Variants in ROBO2 observed in about 807,000 individuals in gnomAD.
ROBO2 encodes the protein roundabout guidance receptor 2, also known as roundabout homolog 2.
Under a neutral mutation model 160.8 loss-of-function variants are expected in ROBO2, and 53 were observed. That is an observed-to-expected ratio of 0.33 (90% confidence interval 0.26 to 0.41). The LOEUF (loss-of-function observed/expected upper bound fraction) is 0.41. ROBO2 is among the 10% of genes least tolerant of loss of function. ROBO2 has a pLI of 1.00. For missense variants in ROBO2, 1,577 were observed against 1,722.4 expected, an observed-to-expected ratio of 0.92 and a Z score of 1.49; for synonymous variants, 664 against 611.7, an observed-to-expected ratio of 1.09 and a Z score of -1.26.
chr3:77,140,546 C>A (rs1318738639), intron 2 of ROBO2, among the ~76,000 whole-genome samples: 2 of 152,138 alleles, frequency 1.3e-5, no homozygotes, highest in South Asian at 4.1e-4. Context: ...ATGGTGGTAA[C>A]TGGGTGCTAA....
chr3:76,377,968 T>G (rs1393899471), intron 2 of ROBO2, among the ~76,000 whole-genome samples: 1 of 152,162 alleles, frequency 6.6e-6, no homozygotes, highest in African/African-American at 2.4e-5. Context: ...CGTGTGTGAC[T>G]GAGTAGTTGA....
intron 2 of ROBO2, among the ~76,000 whole-genome samples, chr3:77,175,755 C>T (rs2080094879): frequency 6.6e-6 from 1 of 151,904 alleles, no homozygotes; most frequent in Admixed American, 6.6e-5. Context: ...TAAATCATAA[C>T]TTAGAAGATA....
At chr3:76,678,410 A>G (rs1056278885) in intron 2 of ROBO2, among the ~76,000 whole-genome samples, 1 of 152,120 alleles carries the variant, frequency 6.6e-6, no homozygotes, top group African/African-American at 2.4e-5. Context: ...GCGCTGGTCC[A>G]AGGTAAACTA....
chr3:76,195,465 T>C (rs1702217645), intron 2 of ROBO2, among the ~76,000 whole-genome samples: 1 of 152,224 alleles, frequency 6.6e-6, no homozygotes, highest in Middle Eastern at 3.2e-3. Flanking sequence ...TGGGATATTG[T>C]CAATTTCATA....
intron 2 of ROBO2, among the ~76,000 whole-genome samples, chr3:77,379,310 T>A (rs1262681960): frequency 1.3e-5 from 2 of 152,216 alleles, no homozygotes; most frequent in African/African-American, 4.8e-5. Context: ...CTTTTGTTAA[T>A]CTGCAATACC....
Position 76,523,131 on chromosome 3 carries a change from G to A in ROBO2, c.110-574883G>A, listed in dbSNP as rs76037320. ...CTAAAGAGGGCCAGCTCCAAATACC[G>A]TAAATTTGTTTAGTCTTTACAGAAG... On this transcript the variant is annotated intron_variant, in intron 2 of 26. Transcript: ENST00000487694. 5.2e-3 allele frequency among the ~76,000 whole-genome samples: 789 copies of A among 151,406 alleles called. 7 individuals are homozygous for A. The highest frequency in any genetic ancestry group is 0.018 in the African/African-American group (752 of 41,372).
At chr3:77,396,466 T>G (rs2075293727) in intron 2 of ROBO2, among the ~76,000 whole-genome samples, 1 of 152,156 alleles carries the variant, frequency 6.6e-6, no homozygotes, top group Non-Finnish European at 1.5e-5. Context: ...TATTGTGAAC[T>G]TAAGCTGTCG....
chr3:77,287,305 A>AT (rs199578901), intron 2 of ROBO2, among the ~76,000 whole-genome samples: 105 of 76,156 alleles, frequency 1.4e-3, no homozygotes, highest in African/African-American at 2.9e-3. Context: ...ATTGATAGTT[A>AT]TTTTTTTTTA....
chr3:76,431,342 T>C (rs532446809), intron 2 of ROBO2, among the ~76,000 whole-genome samples: 5 of 152,268 alleles, frequency 3.3e-5, no homozygotes, highest in African/African-American at 1.2e-4. Flanking sequence ...AAGAATTCTA[T>C]AGTGACTAAA....
intron 2 of ROBO2, among the ~76,000 whole-genome samples, chr3:76,505,366 A>AT (rs1204716218): frequency 1.1e-5 from 1 of 91,288 alleles, no homozygotes; most frequent in South Asian, 3.4e-4. Context: ...ATAGTTCAGC[A>AT]TTTAAAAAAA....
At chr3:77,442,128 C>T (rs906077975) in intron 2 of ROBO2, among the ~76,000 whole-genome samples, 1 of 151,940 alleles carries the variant, frequency 6.6e-6, no homozygotes, top group African/African-American at 2.4e-5. Context: ...CTGGCTAACA[C>T]GGTGAAGCCC....
chr3:77,191,851 T>G (rs2081885354), intron 2 of ROBO2, among the ~76,000 whole-genome samples: 2 of 152,156 alleles, frequency 1.3e-5, no homozygotes, highest in Admixed American at 1.3e-4. Context: ...TTATTGCATA[T>G]CTATAAATTT....
At chr3:76,303,519 C>T (rs1457469776) in intron 2 of ROBO2, among the ~76,000 whole-genome samples, 2 of 152,070 alleles carry the variant, frequency 1.3e-5, no homozygotes, top group African/African-American at 4.8e-5. Context: ...GTCCTACACA[C>T]AACTTGTTGA....
chr3:77,554,267 A>T (rs1441603452), intron 8 of ROBO2, among the ~76,000 whole-genome samples: 3 of 152,052 alleles, frequency 2.0e-5, no homozygotes, highest in South Asian at 2.1e-4. Flanking sequence ...TGCAGAAAAA[A>T]AAATTCCTTT....
intron 2 of ROBO2, among the ~76,000 whole-genome samples, chr3:77,194,494 A>G (rs576843876): frequency 3.5e-4 from 53 of 152,280 alleles, no homozygotes; most frequent in Middle Eastern, 3.4e-3. Context: ...TGTATTTAAG[A>G]TTTATTTTAG....
At chr3:76,513,910 CATA>C (rs1181241401) in intron 2 of ROBO2, among the ~76,000 whole-genome samples, 2 of 152,040 alleles carry the variant, frequency 1.3e-5, no homozygotes, top group Non-Finnish European at 2.9e-5. Flanking sequence ...AAAAAATAAC[CATA>C]ATATCATTAA....
At chr3:77,386,902 C>T (rs1385389824) in intron 2 of ROBO2, among the ~76,000 whole-genome samples, 1 of 151,450 alleles carries the variant, frequency 6.6e-6, no homozygotes, top group East Asian at 2.0e-4. Context: ...TGCGCCCAGC[C>T]GATAATTTTT....
chr3:77,260,401 T>TA (rs971255474), intron 2 of ROBO2, among the ~76,000 whole-genome samples: 2 of 152,078 alleles, frequency 1.3e-5, no homozygotes, highest in Admixed American at 6.6e-5. Context: ...TAGGGAAACT[T>TA]AAAAAAATAG....
chr3:76,606,601 T>A (rs768362463), intron 2 of ROBO2, among the ~76,000 whole-genome samples: 22 of 152,164 alleles, frequency 1.4e-4, no homozygotes, highest in Non-Finnish European at 2.8e-4. Context: ...GGGAAAGCAA[T>A]AGTGGTTCCT....
Sources: allele counts gnomAD v4.1 joint callset (sites outside exome capture counted in the v4.1 genomes callset), GRCh38; gene constraint gnomAD v4.1.1; transcripts MANE v1.5; gene names NCBI Gene and HGNC (gene_info 2026-07-23, HGNC 2026-07-21).